The following RFX2 variants were observed in gnomAD, a reference collection of about 807,000 sequenced individuals.
RFX2 encodes DNA-binding protein RFX2.
In RFX2, 20 loss-of-function variants were observed where a neutral mutation model predicts 87.8. The observed-to-expected ratio is 0.23, with a 90% CI of 0.16 to 0.33. The LOEUF (loss-of-function observed/expected upper bound fraction) is 0.33, where lower values mean the gene tolerates loss of function less well. RFX2 is among the 10% of genes least tolerant of loss of function. The pLI is 1.00. For synonymous variants in RFX2, 397 were observed against 431.3 expected, an observed-to-expected ratio of 0.92 and a Z score of 0.98; for missense variants, 767 against 1,012.3, an observed-to-expected ratio of 0.76 and a Z score of 3.29.
chr19:6,053,745 CA>C (rs1230933993), intron 1 of RFX2, among the ~76,000 whole-genome samples: 2 of 152,066 alleles, frequency 1.3e-5, no homozygotes, highest in Non-Finnish European at 2.9e-5. Context: ...CACCTGAGGT[CA>C]GGAGTTTGAG....
At chr19:6,048,207 T>A (rs1023709120) in intron 1 of RFX2, among the ~76,000 whole-genome samples, 2 of 152,252 alleles carry the variant, frequency 1.3e-5, no homozygotes, top group Admixed American at 1.3e-4. Context: ...CTGGGCTGGA[T>A]AAAAGTCCTC....
At position 6,024,023 on chromosome 19, in the gene RFX2, A is replaced by G. The variant is rs76844010; in HGVS notation, c.597+2140T>C. Among the ~76,000 whole-genome samples, 696 of 152,052 alleles carry G rather than the reference A, an allele frequency of 4.6e-3. 7 individuals carry two copies. In the East Asian group the frequency reaches 0.071, roughly 15 times the overall value. On this transcript the variant is annotated intron_variant, in intron 6 of 17. Coordinates refer to ENST00000303657, the MANE Select transcript of RFX2 (RefSeq NM_000635.4). The surrounding 1 kb of genome is among the most constrained non-coding windows in gnomAD (Gnocchi z 5.0). The stretch of plus-strand genomic sequence containing the variant: ...TGGAACTCCTGACCTCAAGTGGTAC[A>G]CCCGCCTTGGTCTCCCAAACTGCTG...
chr19:6,065,564 G>A (rs1019541281), intron 1 of RFX2, among the ~76,000 whole-genome samples: 8 of 152,144 alleles, frequency 5.3e-5, no homozygotes, highest in African/African-American at 1.7e-4. Context: ...GAAGAATGGC[G>A]TGAACCCGGG....
chr19:5,998,240 G>A lies in RFX2; in HGVS notation c.1860-1027C>T, dbSNP rs534749320. Among the ~76,000 whole-genome samples, 21 of 152,184 alleles carry A rather than the reference G, an allele frequency of 1.4e-4. No individual in the cohort carries two copies. Among genetic ancestry groups the A allele is most frequent in the Admixed American group, 3.9e-4 (6 of 15,288 alleles). ...GGAAAATTGCTTGAACCTGGGAGGC[G>A]GAGGCTGCAGTGAGCCGAGATCATG... On this transcript the variant is annotated intron_variant, in intron 15 of 17. Transcript: ENST00000303657. This position sits in a 1 kb window ranked among gnomAD's most constrained non-coding sequence, Gnocchi z 4.2.
At chr19:6,087,916 T>C (rs978666043) in intron 1 of RFX2, among the ~76,000 whole-genome samples, 3 of 151,834 alleles carry the variant, frequency 2.0e-5, no homozygotes, top group Non-Finnish European at 4.4e-5. Context: ...TCCCCAGGAG[T>C]CTCACTCCTT....
chr19:6,035,610 G>A (rs16993344), intron 5 of RFX2, among the ~76,000 whole-genome samples: 7,575 of 152,128 alleles, frequency 0.05, 428 homozygotes, highest in African/African-American at 0.14. Context: ...CGAAAGTCCC[G>A]AGAAACAAAA....
In RFX2 at chr19:6,007,171, G is replaced by A. The variant is rs2086594484; in HGVS notation, c.1248-5C>T. 2 of 1,612,608 alleles carry A rather than the reference G, an allele frequency of 1.2e-6. No homozygotes were observed. Among genetic ancestry groups the A allele is most frequent in the Non-Finnish European group, 1.7e-6 (2 of 1,179,434 alleles). ...GCGCCCTCGGGGTCTTCGTCACTGT[G>A]GAGGGAGGGGGGACAGGTGAGCTGT... On this transcript the variant is annotated splice_polypyrimidine_tract_variant and splice_region_variant and intron_variant, in intron 11 of 17. Coordinates refer to ENST00000303657, the MANE Select transcript of RFX2 (RefSeq NM_000635.4). The surrounding 1 kb of genome is among the most constrained non-coding windows in gnomAD (Gnocchi z 8.2).
chr19:6,068,648 C>T (rs536773105), intron 1 of RFX2, among the ~76,000 whole-genome samples: 9 of 152,142 alleles, frequency 5.9e-5, no homozygotes, highest in East Asian at 1.9e-4. Flanking sequence ...AGGGAAAAGC[C>T]AGTACAAAGG....
chr19:6,001,697 G>T lies in RFX2; in HGVS notation c.1859+118C>A. 1 of 854,848 alleles carries T rather than the reference G, an allele frequency of 1.2e-6. No individual in the cohort carries two copies. Among genetic ancestry groups the T allele is most frequent in the Non-Finnish European group, 1.8e-6 (1 of 571,306 alleles). The allele number at this position is 854,848 out of a possible 1,614,324, so 53.0% of individuals were successfully genotyped here. On this transcript the variant is annotated intron_variant, in intron 15 of 17. Coordinates refer to ENST00000303657, the MANE Select transcript of RFX2 (RefSeq NM_000635.4). This position sits in a 1 kb window ranked among gnomAD's most constrained non-coding sequence, Gnocchi z 5.6. ...GTTTTTTGCGGGTTCAGACACTGCT[G>T]CAACTCTGCTGAGCCCTGTTTTGCT... is the stretch of plus-strand genomic sequence containing the variant.
chr19:6,053,760 A>G (rs1220503387), intron 1 of RFX2, among the ~76,000 whole-genome samples: 2 of 152,154 alleles, frequency 1.3e-5, no homozygotes, highest in African/African-American at 4.8e-5. Context: ...GTTTGAGACC[A>G]GCCTGGCCAA....
Position 6,004,794 on chromosome 19 carries a change from G to A in RFX2, c.1403-496C>T, listed in dbSNP as rs1272366703. On this transcript the variant is annotated intron_variant, in intron 12 of 17. Coordinates refer to ENST00000303657, the MANE Select transcript of RFX2 (RefSeq NM_000635.4). The surrounding 1 kb of genome is among the most constrained non-coding windows in gnomAD (Gnocchi z 4.8). ...GGTTAGAATAAGAAGCAAATGATCAGACTGTTAAAAAAAAAAAAAACCAAA... is the reference window on the plus strand; with the variant it reads ...GGTTAGAATAAGAAGCAAATGATCAAACTGTTAAAAAAAAAAAAAACCAAA... 3.5e-5 allele frequency among the ~76,000 whole-genome samples: 5 copies of A among 142,172 alleles called. No homozygotes were observed. In the East Asian group the frequency reaches 1.0e-3, roughly 29 times the overall value. 93.3% of individuals were successfully genotyped at this position (142,172 alleles called of 152,430 possible).
rs1242379503 is a variant in RFX2, at chr19:6,101,177, A to G, written c.-9+9216T>C. Among the ~76,000 whole-genome samples, 2 of 152,260 alleles carry G rather than the reference A, an allele frequency of 1.3e-5. No individual in the cohort carries two copies. The highest frequency in any genetic ancestry group is 2.9e-5 in the Non-Finnish European group (2 of 68,056). ...TATTTCAGGCCCACAAATATTTTCT[A>G]AAGAAATGGATGGAGACCCCAGAGA... On this transcript the variant is annotated intron_variant, in intron 1 of 17. Coordinates refer to ENST00000303657, the MANE Select transcript of RFX2 (RefSeq NM_000635.4). This position sits in a 1 kb window ranked among gnomAD's most constrained non-coding sequence, Gnocchi z 4.9.
intron 16 of RFX2, among the ~76,000 whole-genome samples, chr19:5,996,677 C>A (rs549401436): frequency 6.6e-6 from 1 of 152,238 alleles, no homozygotes; most frequent in Admixed American, 6.5e-5. Flanking sequence ...TGCGCTTTCA[C>A]GTGGAAATCT....
Position 6,061,841 on chromosome 19 carries a change from T to C in RFX2, c.-8-14337A>G, listed in dbSNP as rs2087437248. Among the ~76,000 whole-genome samples the C allele has an allele frequency of 6.6e-6, 1 of 152,030 alleles. No individual in the cohort carries two copies. Among genetic ancestry groups the C allele is most frequent in the Non-Finnish European group, 1.5e-5 (1 of 68,000 alleles). ...GGCTGGGAGGGGGAAGGGAATGATA[T>C]AGCTGATGTGCCCACCCCGAGTGTG... On this transcript the variant is annotated intron_variant, in intron 1 of 17. Coordinates refer to ENST00000303657, the MANE Select transcript of RFX2 (RefSeq NM_000635.4). The surrounding 1 kb of genome is among the most constrained non-coding windows in gnomAD (Gnocchi z 5.2).
chr19:6,036,835 G>A (rs539993906), intron 5 of RFX2, among the ~76,000 whole-genome samples: 7 of 152,296 alleles, frequency 4.6e-5, no homozygotes, highest in African/African-American at 1.4e-4. Context: ...AAAAAGGCAA[G>A]GATGTCCATT....
intron 1 of RFX2, among the ~76,000 whole-genome samples, chr19:6,065,666 T>TG (rs1456585409): frequency 6.6e-6 from 1 of 152,142 alleles, no homozygotes; most frequent in Non-Finnish European, 1.5e-5. Flanking sequence ...AAAAGAAAGT[T>TG]GGGAAATTTG....
intron 12 of RFX2, among the ~76,000 whole-genome samples, chr19:6,006,589 A>G (rs1026750631): frequency 1.3e-5 from 2 of 150,484 alleles, no homozygotes; most frequent in Admixed American, 6.7e-5. Flanking sequence ...AGCTGGGACT[A>G]CAGGCGTGTG....
chr19:6,007,336 C>T lies in RFX2; in HGVS notation c.1248-170G>A, dbSNP rs1338684418. Among the ~76,000 whole-genome samples the T allele has an allele frequency of 1.3e-5, 2 of 152,146 alleles. No individual in the cohort carries two copies. Among genetic ancestry groups the T allele is most frequent in the East Asian group, 1.9e-4 (1 of 5,178 alleles). Reference sequence around the variant, plus strand: ...TCCCCTCCCTCCATGTTGCTCCCGGCGCCTCCGTGTTTCCCCCTGTCCCTC... The same window carrying T: ...TCCCCTCCCTCCATGTTGCTCCCGGTGCCTCCGTGTTTCCCCCTGTCCCTC... On this transcript the variant is annotated intron_variant, in intron 11 of 17. Coordinates refer to ENST00000303657, the MANE Select transcript of RFX2 (RefSeq NM_000635.4). This position sits in a 1 kb window ranked among gnomAD's most constrained non-coding sequence, Gnocchi z 8.2.
At chr19:6,106,054 G>A (rs941265074) in intron 1 of RFX2, among the ~76,000 whole-genome samples, 3 of 152,158 alleles carry the variant, frequency 2.0e-5, no homozygotes, top group African/African-American at 7.2e-5. Flanking sequence ...GCCTCTCTCT[G>A]GACCTTTTGC....
Sources: gnomAD v4.1 joint callset for allele counts (sites outside exome capture counted in the v4.1 genomes callset) on GRCh38, gnomAD v4.1.1 for gene constraint, Gnocchi (gnomAD v3.1) non-coding constraint, MANE v1.5 for transcripts, NCBI Gene and HGNC (gene_info 2026-07-23, HGNC 2026-07-21) for gene names.